Variants in ECI2 observed in about 807,000 individuals in gnomAD.
The protein encoded by ECI2 is D3,D2-enoyl-CoA isomerase.
Under a neutral mutation model 38.4 loss-of-function variants are expected in ECI2, and 27 were observed. The observed-to-expected ratio is 0.70, with a 90% confidence interval of 0.52 to 0.97. The LOEUF is 0.97. Among genes scored for constraint, ECI2 ranks in the 50% least tolerant of loss-of-function variants. The pLI, the probability that ECI2 is intolerant of heterozygous loss-of-function variation, is 0.00. For missense variants in ECI2, 470 were observed against 474.4 expected (o/e 0.99, Z 0.09); for synonymous variants, 168 against 172.0 (o/e 0.98, Z 0.18).
rs1772509295 is a variant in ECI2 at position 4,119,284 on chromosome 6, G to A, written c.796-9C>T. ...GGTGTATGAAATGTTGCCTGCAGAG[G>A]CAGGAGAGAAAAGAAAACCATCTTT... On this transcript the variant is annotated splice_polypyrimidine_tract_variant and intron_variant, in intron 7 of 9. Transcript: ENST00000380118. 6.3e-7 allele frequency: 1 copy of A among 1,580,668 alleles called. No individual in the cohort carries two copies. The highest frequency in any genetic ancestry group is 1.4e-5 in the African/African-American group (1 of 72,554).
In ECI2 at chr6:4,135,494, C is replaced by G; in HGVS notation, c.50+17G>C. The G allele has an allele frequency of 6.4e-7, 1 of 1,552,320 alleles. No individual in the cohort carries two copies. Among genetic ancestry groups the G allele is most frequent in the Non-Finnish European group, 8.8e-7 (1 of 1,141,684 alleles). Reference sequence around the variant, plus strand: ...TGCGGGCGACCATGGGCCGAACGGCCGGGACTCCAAGCTTACCTCGGACAC... The same window carrying G: ...TGCGGGCGACCATGGGCCGAACGGCGGGGACTCCAAGCTTACCTCGGACAC... On this transcript the variant is annotated intron_variant, in intron 1 of 9. Coordinates refer to ENST00000380118, the MANE Select transcript of ECI2 (RefSeq NM_206836.3).
At chr6:4,134,135 A>T (rs1773619052) in intron 1 of ECI2, among the ~76,000 whole-genome samples, 1 of 152,240 alleles carries the variant, frequency 6.6e-6, no homozygotes, top group African/African-American at 2.4e-5. Flanking sequence ...ATAAGCCATA[A>T]GCTATATCAG....
rs6907960 is a variant in ECI2 at position 4,122,170 on chromosome 6, C to T, written c.796-2895G>A. The T allele has an allele frequency of 2.0e-3, 1,001 of 503,892 alleles. 8 individuals are homozygous for T. The highest frequency in any genetic ancestry group is 0.018 in the African/African-American group (922 of 50,692). 31.2% of individuals were successfully genotyped at this position (503,892 alleles called of 1,614,324 possible). On this transcript the variant is annotated intron_variant, in intron 7 of 9. Transcript: ENST00000380118. ...TTAGGGACGTTGGGAAAGTTTCTTACCCTCTCTGTACCACAGTTTTCTCAT... is the reference window on the plus strand; with the variant it reads ...TTAGGGACGTTGGGAAAGTTTCTTATCCTCTCTGTACCACAGTTTTCTCAT...
In ECI2 at chr6:4,115,900, A is replaced by T. The variant is rs1380080087; in HGVS notation, c.1159T>A (p.Phe387Ile). ...SDECTNAVVNFLSRKSKL is the reference protein window; with the variant it reads ...SDECTNAVVNILSRKSKL Reference sequence around the variant, plus strand: ...CACAGTTTTGATTTTCTGGATAAGAAGTTCACCACAGCATTTGTGCATTCA... The same window carrying T: ...CACAGTTTTGATTTTCTGGATAAGATGTTCACCACAGCATTTGTGCATTCA... The change falls in exon 10 of 10, where the codon TTC (phenylalanine) becomes ATC (isoleucine). Residue 387 changes from phenylalanine to isoleucine, a missense_variant. Coordinates refer to ENST00000380118, the MANE Select transcript of ECI2 (RefSeq NM_206836.3). The T allele has an allele frequency of 6.2e-7, 1 of 1,613,800 alleles. No homozygotes were observed.
chr6:4,133,246 T>TA (rs1272286988), intron 2 of ECI2, among the ~76,000 whole-genome samples: 1 of 152,176 alleles, frequency 6.6e-6, no homozygotes, highest in Non-Finnish European at 1.5e-5. Context: ...CCAATTGTCT[T>TA]AAAAATACCT....
rs552690267 is a variant in ECI2, at chr6:4,126,262, C to A, written c.572-25G>T. The A allele has an allele frequency of 2.5e-5, 39 of 1,576,754 alleles. 2 individuals carry two copies. Among genetic ancestry groups the A allele is most frequent in the Middle Eastern group, 1.7e-4 (1 of 5,976 alleles). On this transcript the variant is annotated intron_variant, in intron 5 of 9. Coordinates refer to ENST00000380118, the MANE Select transcript of ECI2 (RefSeq NM_206836.3). ...CCTATAAGTAAGAAAATCAACAGAT[C>A]CCTCATTCAATCATCCTATAATTCT... is the stretch of plus-strand genomic sequence containing the variant.
chr6:4,123,138 C>G (rs1450466741), intron 7 of ECI2, among the ~76,000 whole-genome samples: 1 of 151,976 alleles, frequency 6.6e-6, no homozygotes, highest in African/African-American at 2.4e-5. Context: ...TTTTCTACAG[C>G]CTTTTCCTTT....
At chr6:4,126,400 A>G (rs574250004) in intron 5 of ECI2, among the ~76,000 whole-genome samples, 163 bp from the exon 6 acceptor site, 17 of 152,362 alleles carry the variant, frequency 1.1e-4, no homozygotes, top group African/African-American at 3.8e-4. Flanking sequence ...ACACTGATCT[A>G]TAAAAACACA....
chr6:4,121,856 A>AGC (rs1255576067), intron 7 of ECI2: 14 of 542,244 alleles, frequency 2.6e-5, no homozygotes, highest in African/African-American at 2.5e-4. Flanking sequence ...AGAAGATATA[A>AGC]ATCTATAACA....
Position 4,126,035 on chromosome 6 carries a change from T to G in ECI2, c.674+100A>C, listed in dbSNP as rs1773132344. The stretch of plus-strand genomic sequence containing the variant: ...TGTCCAAAGTCACAATTAACTGCAC[T>G]GACACAGAGAAGCAGATATTGCACT... On this transcript the variant is annotated intron_variant, in intron 6 of 9. Coordinates refer to ENST00000380118, the MANE Select transcript of ECI2 (RefSeq NM_206836.3). 4 of 923,728 alleles carry G rather than the reference T, an allele frequency of 4.3e-6. No individual in the cohort carries two copies. The South Asian group carries it at 5.7e-5, about 13-fold the overall frequency. 57.2% of individuals were successfully genotyped at this position (923,728 alleles called of 1,614,324 possible). A position where few individuals can be genotyped will look rare whatever the true frequency, so the allele number is the denominator to read the frequency against.
intron 2 of ECI2, among the ~76,000 whole-genome samples, chr6:4,133,321 T>C (rs1265088635): frequency 6.6e-6 from 1 of 152,148 alleles, no homozygotes. Flanking sequence ...TTATATCTCG[T>C]AAGTCTCTTT....
intron 1 of ECI2, among the ~76,000 whole-genome samples, chr6:4,134,455 G>T (rs930678956): frequency 2.0e-5 from 3 of 152,182 alleles, no homozygotes; most frequent in African/African-American, 7.2e-5. Flanking sequence ...CATAGTGAGC[G>T]GGGGTGGGGT....
rs149917324 is a variant in ECI2, at chr6:4,134,347, C to T, written c.51-636G>A. 7.6e-4 allele frequency among the ~76,000 whole-genome samples: 116 copies of T among 152,246 alleles called. 1 individual carries two copies. Among genetic ancestry groups the T allele is most frequent in the African/African-American group, 2.7e-3 (114 of 41,546 alleles). ...AAGGGAGTCAGTGAAGGGGGCTCAG[C>T]AGGCGTGCCCCTTTCTATGGGTATG... is the stretch of plus-strand genomic sequence containing the variant. On this transcript the variant is annotated intron_variant, in intron 1 of 9. Transcript: ENST00000380118.
rs567854484 is a variant in ECI2 at position 4,122,134 on chromosome 6, C to T, written c.796-2859G>A. On this transcript the variant is annotated intron_variant, in intron 7 of 9. Coordinates refer to ENST00000380118, the MANE Select transcript of ECI2 (RefSeq NM_206836.3). Reference sequence around the variant, plus strand: ...GTGGAGTTAAGGGTTTAGGCTCTGGCGTCAGACTACTTAGGGACGTTGGGA... The same window carrying T: ...GTGGAGTTAAGGGTTTAGGCTCTGGTGTCAGACTACTTAGGGACGTTGGGA... 1.3e-4 allele frequency: 90 copies of T among 698,506 alleles called. No homozygotes were observed. In the Admixed American group the frequency reaches 2.1e-3, roughly 16 times the overall value. 43.3% of individuals were successfully genotyped at this position (698,506 alleles called of 1,614,324 possible).
chr6:4,117,516 G>A, intron 8 of ECI2, 65 bp from the exon 9 acceptor site: 1 of 1,573,406 alleles, frequency 6.4e-7, no homozygotes. Flanking sequence ...TCAGTTAACT[G>A]CTTTCAGGAG....
intron 1 of ECI2, chr6:4,135,051 A>T: frequency 6.7e-6 from 3 of 450,674 alleles, no homozygotes; most frequent in South Asian, 4.7e-5. Flanking sequence ...TTCACTTTAT[A>T]GCATACGTGT....
At chr6:4,120,458 G>A (rs1337046578) in intron 7 of ECI2, among the ~76,000 whole-genome samples, 1 of 152,186 alleles carries the variant, frequency 6.6e-6, no homozygotes, top group Non-Finnish European at 1.5e-5. Context: ...CGGGTGTGGT[G>A]GCTCATGCCT....
At chr6:4,126,835 C>T (rs1444212150) in intron 5 of ECI2, among the ~76,000 whole-genome samples, 2 of 152,158 alleles carry the variant, frequency 1.3e-5, no homozygotes, top group East Asian at 1.9e-4. Context: ...AATTTATATA[C>T]AATAAAACAA....
intron 2 of ECI2, among the ~76,000 whole-genome samples, chr6:4,131,401 A>G (rs1421633735): frequency 6.6e-6 from 1 of 152,222 alleles, no homozygotes; most frequent in Admixed American, 6.5e-5. Context: ...ATGTAAGTAA[A>G]AAGCAAAAAG....
Sources: allele counts gnomAD v4.1 joint callset (sites outside exome capture counted in the v4.1 genomes callset), GRCh38; gene constraint gnomAD v4.1.1; transcripts MANE v1.5; gene names NCBI Gene and HGNC (gene_info 2026-07-23, HGNC 2026-07-21).